PRSS8: variants seen among roughly 807,000 people sequenced by gnomAD.
PRSS8 encodes prostasin.
Under a neutral mutation model 26.7 loss-of-function variants are expected in PRSS8, and 11 were observed. That is an observed-to-expected ratio of 0.41 (90% CI 0.26 to 0.68). PRSS8 has a LOEUF of 0.68. Ranked by LOEUF, PRSS8 falls within the 30% of genes least tolerant of loss-of-function variation. PRSS8 has a pLI of 0.30. For missense variants in PRSS8, 362 were observed against 443.5 expected (o/e 0.82, Z 1.65); for synonymous variants, 183 against 187.0 (o/e 0.98, Z 0.17).
At position 31,135,703 on chromosome 16, in the gene PRSS8, T is replaced by C. The variant is rs946196508; in HGVS notation, c.-205A>G. On this transcript the variant is annotated 5_prime_UTR_variant, in exon 1 of 6. Transcript: ENST00000317508. ...CGCCTGGAGTATCCGAAGCGAGCAG[T>C]GTGGACGAGTCACCAGCACCGTCTG... The C allele has an allele frequency of 3.7e-6, 2 of 545,986 alleles. No individual in the cohort carries two copies. Among genetic ancestry groups the C allele is most frequent in the African/African-American group, 3.8e-5 (2 of 52,634 alleles). The allele number at this position is 545,986 out of a possible 1,614,324, so 33.8% of individuals were successfully genotyped here. A position where few individuals can be genotyped will look rare whatever the true frequency, so the allele number is the denominator to read the frequency against.
rs778131149 is a variant in PRSS8, at chr16:31,131,965, C to T, written c.*44G>A. ...AAGGCCATCAGGGAAGGACCAGGCT[C>T]CTGTCCTTGAGTGTGATGCATCCAT... On this transcript the variant is annotated 3_prime_UTR_variant, in exon 6 of 6. Transcript: ENST00000317508. 35 of 1,487,024 alleles carry T rather than the reference C, an allele frequency of 2.4e-5. No homozygotes were observed. The highest frequency in any genetic ancestry group is 3.1e-5 in the Non-Finnish European group (35 of 1,112,712). The allele number at this position is 1,487,024 out of a possible 1,614,324, so 92.1% of individuals were successfully genotyped here.
At chr16:31,135,133 C>T (rs773279377) in intron 2 of PRSS8, 21 bp downstream of exon 2, 2 of 1,611,398 alleles carry the variant, frequency 1.2e-6, no homozygotes, top group South Asian at 1.1e-5. Flanking sequence ...TCCCCTCCTC[C>T]CTCTCCGAGG....
rs943873814 is a variant in PRSS8, at chr16:31,133,604, G to A, written c.104-216C>T. 1.5e-4 allele frequency among the ~76,000 whole-genome samples: 23 copies of A among 151,984 alleles called. No individual in the cohort carries two copies. The highest frequency in any genetic ancestry group is 5.6e-4 in the African/African-American group (23 of 41,350). On this transcript the variant is annotated intron_variant, in intron 2 of 5. Transcript: ENST00000317508. This position sits in a 1 kb window ranked among gnomAD's most constrained non-coding sequence, Gnocchi z 4.7. Reference sequence around the variant, plus strand: ...TCCTTGCAAGCCTTCCATCCATCCCGCCCCTTACAAGTCTGAAGATTTTCA... The same window carrying A: ...TCCTTGCAAGCCTTCCATCCATCCCACCCCTTACAAGTCTGAAGATTTTCA...
Position 31,132,667 on chromosome 16 carries a change from AGCGTCCCACCTCACCTGAGGGG to A in PRSS8, c.531_538+14del. 1 of 1,613,670 alleles carries A rather than the reference AGCGTCCCACCTCACCTGAGGGG, an allele frequency of 6.2e-7. No homozygotes were observed. Among genetic ancestry groups the A allele is most frequent in the Non-Finnish European group, 8.5e-7 (1 of 1,179,650 alleles). ...TGCCCCTCCACACCTCTAGGCACCC[AGCGTCCCACCTCACCTGAGGGG>A]GCCACATGACCCCAGCCAGTGACAG... On this transcript the variant is annotated splice_donor_variant and splice_donor_5th_base_variant and coding_sequence_variant and intron_variant, in exon 4 of 6. Coordinates refer to ENST00000317508, the MANE Select transcript of PRSS8 (RefSeq NM_002773.5). LOFTEE classifies it high-confidence loss of function. The surrounding 1 kb of genome is among the most constrained non-coding windows in gnomAD (Gnocchi z 5.2).
Position 31,133,318 on chromosome 16 carries a change from C to T in PRSS8, c.174G>A (p.Trp58Ter), listed in dbSNP as rs1236771452. Reference protein sequence around the residue: ...GSSAVAGQWPWQVSITYEGVH... With the variant: ...GSSAVAGQWP ...CGCCTTCATAGGTGATGCTGACCTG[C>T]CAGGGCCACTGACCGGCGACTGCAC... is the stretch of plus-strand genomic sequence containing the variant. Residue 58 changes from tryptophan (W) to a stop codon, truncating the protein, a stop_gained, in exon 3 of 6, where the codon TGG becomes TGA. Coordinates refer to ENST00000317508, the MANE Select transcript of PRSS8 (RefSeq NM_002773.5). LOFTEE classifies it high-confidence loss of function. This position sits in a 1 kb window ranked among gnomAD's most constrained non-coding sequence, Gnocchi z 4.7. 6.2e-7 allele frequency: 1 copy of T among 1,613,984 alleles called. No individual in the cohort carries two copies. The highest frequency in any genetic ancestry group is 1.3e-5 in the African/African-American group (1 of 75,038).
chr16:31,134,363 C>G (rs2057595581), intron 2 of PRSS8: 1 of 152,436 alleles, frequency 6.6e-6, no homozygotes, highest in African/African-American at 2.4e-5. Flanking sequence ...TCTCCACAGC[C>G]CCAGGAGACG....
chr16:31,131,498 G>A lies in PRSS8; in HGVS notation c.*511C>T. On this transcript the variant is annotated 3_prime_UTR_variant, in exon 6 of 6. Transcript: ENST00000317508. ...CACCCCAGATCCAAGCGCCAGCCCA[G>A]TTCCGGTGGGGGCTCAGTCCTCCGG... The A allele has an allele frequency of 1.7e-6, 1 of 584,744 alleles. No homozygotes were observed. Among genetic ancestry groups the A allele is most frequent in the South Asian group, 2.2e-5 (1 of 45,304 alleles). 36.2% of individuals were successfully genotyped at this position (584,744 alleles called of 1,614,324 possible). A position where few individuals can be genotyped will look rare whatever the true frequency, so the allele number is the denominator to read the frequency against.
Position 31,135,632 on chromosome 16 carries a change from G to A in PRSS8, c.-134C>T, listed in dbSNP as rs1304682038. On this transcript the variant is annotated 5_prime_UTR_variant, in exon 1 of 6. Transcript: ENST00000317508. ...AATCCGGGCTGGAAAGGGGCAGCAA[G>A]TGTCCAAGGCTGGCCTCTAAGGCAG... is the stretch of plus-strand genomic sequence containing the variant. 1.3e-6 allele frequency: 1 copy of A among 791,896 alleles called. No individual in the cohort carries two copies. The allele number at this position is 791,896 out of a possible 1,614,324, so 49.1% of individuals were successfully genotyped here.
rs551349613 is a variant in PRSS8 at position 31,132,439 on chromosome 16, T to C, written c.695A>G (p.Asp232Gly). The change falls in exon 5 of 6, where the codon GAC becomes GGC. Residue 232 changes from aspartate to glycine, a missense_variant. Physicochemically the swap from Asp to Gly is moderately conservative, Grantham distance 94. Coordinates refer to ENST00000317508, the MANE Select transcript of PRSS8 (RefSeq NM_002773.5). The surrounding 1 kb of genome is among the most constrained non-coding windows in gnomAD (Gnocchi z 5.2). ...VCAGYVEGGK[D>G]ACQGDSGGPL... Reference sequence around the variant, plus strand: ...CGGGCCTGTGCTTACCTGGCAGGCGTCCTTGCCCCCCTCCACATAGCCAGC... The same window carrying C: ...CGGGCCTGTGCTTACCTGGCAGGCGCCCTTGCCCCCCTCCACATAGCCAGC... 6.2e-7 allele frequency: 1 copy of C among 1,613,818 alleles called. No individual in the cohort carries two copies. Among genetic ancestry groups the C allele is most frequent in the South Asian group, 1.1e-5 (1 of 91,086 alleles).
Position 31,133,321 on chromosome 16 carries a change from G to A in PRSS8, c.171C>T (p.Pro57=). Residue 57 remains proline, a synonymous_variant, in exon 3 of 6, where the codon CCC becomes CCT. Transcript: ENST00000317508. The surrounding 1 kb of genome is among the most constrained non-coding windows in gnomAD (Gnocchi z 4.7). ...CTTCATAGGTGATGCTGACCTGCCA[G>A]GGCCACTGACCGGCGACTGCACTGC... is the stretch of plus-strand genomic sequence containing the variant. The part of the protein sequence containing the change: ...GGSSAVAGQW[P]WQVSITYEGV... The A allele has an allele frequency of 2.5e-6, 4 of 1,614,000 alleles. No individual in the cohort carries two copies. Among genetic ancestry groups the A allele is most frequent in the Non-Finnish European group, 3.4e-6 (4 of 1,179,890 alleles).
chr16:31,132,446 C>A lies in PRSS8; in HGVS notation c.688G>T (p.Gly230Cys), dbSNP rs2057585508. 1 of 1,613,906 alleles carries A rather than the reference C, an allele frequency of 6.2e-7. No homozygotes were observed. The highest frequency in any genetic ancestry group is 2.2e-5 in the East Asian group (1 of 44,880). The change falls in exon 5 of 6, where the codon GGC becomes TGC. Residue 230 changes from glycine (G) to cysteine (C), a missense_variant. Coordinates refer to ENST00000317508, the MANE Select transcript of PRSS8 (RefSeq NM_002773.5). The surrounding 1 kb of genome is among the most constrained non-coding windows in gnomAD (Gnocchi z 5.2). The stretch of plus-strand genomic sequence containing the variant: ...GTGCTTACCTGGCAGGCGTCCTTGC[C>A]CCCCTCCACATAGCCAGCACACACC... ...DMVCAGYVEG[G>C]KDACQGDSGG...
intron 1 of PRSS8, 66 bp downstream of exon 1, chr16:31,135,348 C>T: frequency 6.3e-7 from 1 of 1,575,582 alleles, no homozygotes; most frequent in African/African-American, 1.4e-5. Context: ...GGGCACACCC[C>T]AGAAAATGAT....
chr16:31,135,214 G>T lies in PRSS8; in HGVS notation c.86-43C>A, dbSNP rs192513655. 6.5e-5 allele frequency: 105 copies of T among 1,612,212 alleles called. No individual in the cohort carries two copies. In the East Asian group the frequency reaches 2.2e-3, roughly 33 times the overall value. On this transcript the variant is annotated intron_variant, in intron 1 of 5. Transcript: ENST00000317508. ...GAGGAGGGGTGAGTAGGGAAGACTC[G>T]GGTTCCCTGACCCCTTAGTACCCAC...
Position 31,133,031 on chromosome 16 carries a change from G to T in PRSS8, c.267-78C>A. ...ACCCCCACTGCCAACCCCTGATTCC[G>T]ATCAGCCCCTTTTAGGTCTCAAATT... On this transcript the variant is annotated intron_variant, in intron 3 of 5. Transcript: ENST00000317508. This position sits in a 1 kb window ranked among gnomAD's most constrained non-coding sequence, Gnocchi z 4.7. The T allele has an allele frequency of 1.3e-6, 2 of 1,582,548 alleles. No homozygotes were observed. The highest frequency in any genetic ancestry group is 2.3e-5 in the South Asian group (2 of 87,560).
Position 31,132,324 on chromosome 16 carries a change from C to T in PRSS8, c.717G>A (p.Gly239=). Residue 239 remains glycine (G), a synonymous_variant, in exon 6 of 6, where the codon GGG becomes GGA. Coordinates refer to ENST00000317508, the MANE Select transcript of PRSS8 (RefSeq NM_002773.5). The surrounding 1 kb of genome is among the most constrained non-coding windows in gnomAD (Gnocchi z 5.2). ...CCTCCACAGGGCAGGAGAGTGGGCC[C>T]CCAGAGTCACCCTGAGGAGAGAAGC... ...GGKDACQGDS[G]GPLSCPVEGL... is the part of the protein sequence containing the mutation. 1.2e-6 allele frequency: 2 copies of T among 1,613,952 alleles called. No individual in the cohort carries two copies. Among genetic ancestry groups the T allele is most frequent in the Non-Finnish European group, 1.7e-6 (2 of 1,179,878 alleles).
In PRSS8 at chr16:31,133,375, C is replaced by T. The variant is rs768940996; in HGVS notation, c.117G>A (p.Val39=). The stretch of plus-strand genomic sequence containing the variant: ...CACCTGTGATGCGTGCTTGGGGGGC[C>T]ACACCGCAGGGAGCTGCCCAGGGAG... The part of the protein sequence containing the change: ...GAEGAEAPCG[V]APQARITGGS... The change falls in exon 3 of 6, where the codon GTG becomes GTA. Residue 39 remains valine (V), a synonymous_variant. Coordinates refer to ENST00000317508, the MANE Select transcript of PRSS8 (RefSeq NM_002773.5). This position sits in a 1 kb window ranked among gnomAD's most constrained non-coding sequence, Gnocchi z 4.7. The T allele has an allele frequency of 1.9e-6, 3 of 1,613,754 alleles. No individual in the cohort carries two copies. In the African/African-American group the frequency reaches 4.0e-5, roughly 22 times the overall value.
intron 1 of PRSS8, 26 bp downstream of exon 1, chr16:31,135,388 C>A: frequency 6.3e-7 from 1 of 1,582,260 alleles, no homozygotes; most frequent in Non-Finnish European, 8.6e-7. Context: ...GCATTGTCCC[C>A]ACCCTGCCCC....
Position 31,133,301 on chromosome 16 carries a change from T to G in PRSS8, c.191A>C (p.Tyr64Ser). 6.2e-7 allele frequency: 1 copy of G among 1,613,992 alleles called. No homozygotes were observed. Among genetic ancestry groups the G allele is most frequent in the Non-Finnish European group, 8.5e-7 (1 of 1,179,888 alleles). The change falls in exon 3 of 6, where the codon TAT (tyrosine) becomes TCT (serine). Residue 64 changes from tyrosine (Y) to serine (S), a missense_variant. Transcript: ENST00000317508. The surrounding 1 kb of genome is among the most constrained non-coding windows in gnomAD (Gnocchi z 4.7). ...GQWPWQVSIT[Y>S]EGVHVCGGSL... ...GCCACCACACACATGGACGCCTTCA[T>G]AGGTGATGCTGACCTGCCAGGGCCA...
chr16:31,132,433 C>A lies in PRSS8; in HGVS notation c.701G>T (p.Cys234Phe). The change falls in exon 5 of 6, where the codon TGC becomes TTC. Residue 234 changes from cysteine to phenylalanine, a missense_variant. By Grantham distance (205) the Cys-to-Phe change is radical (BLOSUM62 -2). Coordinates refer to ENST00000317508, the MANE Select transcript of PRSS8 (RefSeq NM_002773.5). This position sits in a 1 kb window ranked among gnomAD's most constrained non-coding sequence, Gnocchi z 5.2. ...AGYVEGGKDA[C>F]QGDSGGPLSC... ...GCCCCCCGGGCCTGTGCTTACCTGG[C>A]AGGCGTCCTTGCCCCCCTCCACATA... The A allele has an allele frequency of 1.2e-6, 2 of 1,613,780 alleles. No individual in the cohort carries two copies. The highest frequency in any genetic ancestry group is 8.5e-7 in the Non-Finnish European group (1 of 1,179,702).
Sources: gnomAD v4.1 joint callset for allele counts (sites outside exome capture counted in the v4.1 genomes callset) on GRCh38, gnomAD v4.1.1 for gene constraint, Gnocchi (gnomAD v3.1) non-coding constraint, MANE v1.5 for transcripts, NCBI Gene and HGNC (gene_info 2026-07-23, HGNC 2026-07-21) for gene names.